The following ARHGAP22 variants were observed in gnomAD, a reference collection of about 807,000 sequenced individuals.
ARHGAP22 encodes Rho GTPase activating protein 22.
In ARHGAP22, 48 loss-of-function variants were observed where a neutral mutation model predicts 59.1. The observed-to-expected ratio is 0.81, with a 90% confidence interval of 0.64 to 1.03. The LOEUF (loss-of-function observed/expected upper bound fraction) is 1.03. Among genes scored for constraint, ARHGAP22 ranks in the 50% least tolerant of loss-of-function variants. The pLI, the probability that ARHGAP22 is intolerant of heterozygous loss-of-function variation, is 0.00. For synonymous variants in ARHGAP22, 445 were observed against 416.4 expected (o/e 1.07, Z -0.84); for missense variants, 1,015 against 958.7 (o/e 1.06, Z -0.78).
At chr10:48,461,069 G>A (rs767070917) in intron 4 of ARHGAP22, among the ~76,000 whole-genome samples, 16 of 149,736 alleles carry the variant, frequency 1.1e-4, no homozygotes, top group Non-Finnish European at 2.2e-4. Context: ...GCTGATGGTT[G>A]CACGATAATT....
At chr10:48,519,324 T>C (rs2053589681) in intron 3 of ARHGAP22, among the ~76,000 whole-genome samples, 1 of 152,250 alleles carries the variant, frequency 6.6e-6, no homozygotes, top group Admixed American at 6.5e-5. Flanking sequence ...GTACTCTGGC[T>C]GCTGGGCACC....
At chr10:48,507,603 C>G (rs1004393441) in intron 3 of ARHGAP22, among the ~76,000 whole-genome samples, 1 of 152,158 alleles carries the variant, frequency 6.6e-6, no homozygotes, top group African/African-American at 2.4e-5. Context: ...AGTCTCCCTC[C>G]TGCCCCACAC....
intron 4 of ARHGAP22, 50 bp downstream of exon 4, chr10:48,479,586 A>G (rs1337870470): frequency 6.2e-7 from 1 of 1,613,222 alleles, no homozygotes; most frequent in Non-Finnish European, 8.5e-7. Context: ...GGGCATGATT[A>G]CCTGGAGGCA....
chr10:48,453,550 G>A (rs777863544), intron 7 of ARHGAP22, 125 bp from the exon 8 acceptor site: 45 of 1,405,428 alleles, frequency 3.2e-5, no homozygotes, highest in Non-Finnish European at 4.4e-5. Context: ...TGCCCACTGG[G>A]TGTAGCCTGC....
At chr10:48,635,490 G>A (rs944823269) in intron 1 of ARHGAP22, among the ~76,000 whole-genome samples, 26 of 152,312 alleles carry the variant, frequency 1.7e-4, no homozygotes, top group African/African-American at 6.3e-4. Flanking sequence ...GGCTTTCTCT[G>A]AAGCCACAGG....
At chr10:48,545,527 C>G (rs1232669369) in intron 3 of ARHGAP22, among the ~76,000 whole-genome samples, 1 of 152,212 alleles carries the variant, frequency 6.6e-6, no homozygotes. Flanking sequence ...TCAGCAGGGG[C>G]TGCACGAGGT....
chr10:48,480,685 G>A (rs1037636521), intron 3 of ARHGAP22, among the ~76,000 whole-genome samples: 6 of 152,232 alleles, frequency 3.9e-5, no homozygotes, highest in South Asian at 4.1e-4. Context: ...AAGCACAGCT[G>A]CCACACACAT....
intron 1 of ARHGAP22, among the ~76,000 whole-genome samples, chr10:48,583,407 C>T (rs2059236691): frequency 6.6e-6 from 1 of 152,236 alleles, no homozygotes; most frequent in Admixed American, 6.5e-5. Flanking sequence ...TCTCTGGGAT[C>T]CTAGGTTCTT....
At chr10:48,479,590 G>C in intron 4 of ARHGAP22, 46 bp downstream of exon 4, 1 of 1,613,540 alleles carries the variant, frequency 6.2e-7, no homozygotes, top group Non-Finnish European at 8.5e-7. Flanking sequence ...ATGATTACCT[G>C]GAGGCAAGGG....
At chr10:48,640,838 A>G (rs968757163) in intron 1 of ARHGAP22, among the ~76,000 whole-genome samples, 1 of 152,140 alleles carries the variant, frequency 6.6e-6, no homozygotes, top group Non-Finnish European at 1.5e-5. Flanking sequence ...CCATAAATTT[A>G]TTTTTCCTCT....
the ARHGAP22 span, chr10:48,429,959 G>T: frequency 2.6e-5 from 4 of 152,150 alleles, no homozygotes; most frequent in Non-Finnish European, 4.4e-5. Flanking sequence ...AAGATTCCAT[G>T]ACCCAAAGAA....
intron 2 of ARHGAP22, among the ~76,000 whole-genome samples, chr10:48,580,253 T>G (rs1415824454): frequency 6.6e-6 from 1 of 152,144 alleles, no homozygotes; most frequent in East Asian, 1.9e-4. Context: ...CTCCATTTTA[T>G]TAGTTGCTTC....
intron 3 of ARHGAP22, among the ~76,000 whole-genome samples, chr10:48,534,427 A>G (rs1475478915): frequency 6.6e-6 from 1 of 152,218 alleles, no homozygotes; most frequent in African/African-American, 2.4e-5. Context: ...GGGAAAGAGC[A>G]GGAGGCCATG....
chr10:48,561,356 C>T (rs2057675651), intron 2 of ARHGAP22, among the ~76,000 whole-genome samples: 1 of 152,028 alleles, frequency 6.6e-6, no homozygotes, highest in African/African-American at 2.4e-5. Flanking sequence ...AAAATATACT[C>T]AAAATGAATG....
chr10:48,570,566 C>G (rs2058335419), intron 2 of ARHGAP22, among the ~76,000 whole-genome samples: 1 of 152,154 alleles, frequency 6.6e-6, no homozygotes, highest in African/African-American at 2.4e-5. Context: ...TGAGTGTAGA[C>G]AGACTGACTG....
intron 1 of ARHGAP22, among the ~76,000 whole-genome samples, chr10:48,600,756 G>A (rs1223012807): frequency 1.3e-5 from 2 of 152,186 alleles, no homozygotes; most frequent in African/African-American, 4.8e-5. Context: ...TCTCTCCATG[G>A]GGTGGAGTAC....
chr10:48,509,413 A>G (rs2052521697), intron 3 of ARHGAP22, among the ~76,000 whole-genome samples: 1 of 152,224 alleles, frequency 6.6e-6, no homozygotes, highest in Admixed American at 6.5e-5. Flanking sequence ...TCTGATGTCT[A>G]CCATCGATGG....
intron 1 of ARHGAP22, among the ~76,000 whole-genome samples, chr10:48,589,427 G>T (rs870353): frequency 0.069 from 10,427 of 152,026 alleles, 371 homozygotes; most frequent in Middle Eastern, 0.11. Flanking sequence ...GAATCCCAGG[G>T]CGTTATTTCT....
chr10:48,647,550 T>G (rs2062359748), intron 1 of ARHGAP22, among the ~76,000 whole-genome samples: 1 of 151,056 alleles, frequency 6.6e-6, no homozygotes, highest in Admixed American at 6.7e-5. Flanking sequence ...CAATAGCAAG[T>G]GTTGGTGAGG....
Sources: gnomAD v4.1 joint callset for allele counts (sites outside exome capture counted in the v4.1 genomes callset) on GRCh38, gnomAD v4.1.1 for gene constraint, MANE v1.5 for transcripts, NCBI Gene and HGNC (gene_info 2026-07-23, HGNC 2026-07-21) for gene names.